STX12: variants seen among roughly 807,000 people sequenced by gnomAD.
STX12 encodes the protein syntaxin-12.
In STX12, 17 loss-of-function variants were observed where a neutral mutation model predicts 42.2. That is an observed-to-expected ratio of 0.40 (90% CI 0.28 to 0.60). The LOEUF is 0.60. STX12 is among the 20% of genes least tolerant of loss of function. STX12 has a pLI of 0.39. For synonymous variants in STX12, 108 were observed against 116.7 expected, an observed-to-expected ratio of 0.93 and a Z score of 0.48; for missense variants, 297 against 330.9, an observed-to-expected ratio of 0.90 and a Z score of 0.79.
chr1:27,808,007 A>G (rs7537264), intron 4 of STX12, among the ~76,000 whole-genome samples: 3 of 152,210 alleles, frequency 2.0e-5, no homozygotes, highest in African/African-American at 7.2e-5. Flanking sequence ...ATAGCTCACT[A>G]TTCTTAAAAT....
intron 5 of STX12, among the ~76,000 whole-genome samples, chr1:27,810,582 T>C (rs1399976766): frequency 6.6e-6 from 1 of 152,182 alleles, no homozygotes; most frequent in African/African-American, 2.4e-5. Context: ...CCTACATGTC[T>C]ACAGATTAGG....
chr1:27,791,572 C>A (rs1258131819), intron 2 of STX12, among the ~76,000 whole-genome samples: 2 of 152,086 alleles, frequency 1.3e-5, no homozygotes, highest in African/African-American at 4.8e-5. Context: ...TCCCAGCACT[C>A]TGGGAGGCCG....
chr1:27,807,721 G>C (rs1362413355), intron 4 of STX12, among the ~76,000 whole-genome samples: 2 of 152,190 alleles, frequency 1.3e-5, no homozygotes, highest in Non-Finnish European at 2.9e-5. Context: ...GTTATACCAG[G>C]ATGTATGTAC....
rs149847848 is a variant in STX12 at position 27,792,328 on chromosome 1, A to C, written c.189-1205A>C. Among the ~76,000 whole-genome samples the C allele has an allele frequency of 9.8e-4, 118 of 120,588 alleles. 17 individuals carry two copies. The highest frequency in any genetic ancestry group is 5.8e-3 in the African/African-American group (106 of 18,282). 79.1% of individuals were successfully genotyped at this position (120,588 alleles called of 152,430 possible). Reference sequence around the variant, plus strand: ...TCTATATATATGTAGATACATATATATGTATCTATATATATGTAGATACAT... The same window carrying C: ...TCTATATATATGTAGATACATATATCTGTATCTATATATATGTAGATACAT... On this transcript the variant is annotated intron_variant, in intron 2 of 8. Coordinates refer to ENST00000373943, the MANE Select transcript of STX12 (RefSeq NM_177424.3).
intron 2 of STX12, among the ~76,000 whole-genome samples, chr1:27,790,768 C>CTAG (rs2088734909): frequency 1.4e-5 from 2 of 145,362 alleles, no homozygotes; most frequent in African/African-American, 5.1e-5. Context: ...ATGATGAAAC[C>CTAG]CTGTCTCTAC....
At chr1:27,785,047 T>C (rs1481145960) in intron 1 of STX12, among the ~76,000 whole-genome samples, 1 of 152,226 alleles carries the variant, frequency 6.6e-6, no homozygotes, top group African/African-American at 2.4e-5. Context: ...TCATATTCTA[T>C]AAAATTCCCA....
At chr1:27,800,912 C>T (rs985728700) in intron 3 of STX12, among the ~76,000 whole-genome samples, 5 of 152,186 alleles carry the variant, frequency 3.3e-5, no homozygotes, top group East Asian at 1.9e-4. Context: ...AGATTTTAAA[C>T]CACTAAAAGC....
At position 27,796,974 on chromosome 1, in the gene STX12, G is replaced by A. The variant is rs144284784; in HGVS notation, c.288+3342G>A. On this transcript the variant is annotated intron_variant, in intron 3 of 8. Coordinates refer to ENST00000373943, the MANE Select transcript of STX12 (RefSeq NM_177424.3). The stretch of plus-strand genomic sequence containing the variant: ...CCAGCCTTGGCCTCCCAAAGTGCTG[G>A]GATTACAGGCATGAGCCACCGCACC... Among the ~76,000 whole-genome samples, 925 of 152,176 alleles carry A rather than the reference G, an allele frequency of 6.1e-3. 12 individuals carry two copies. Among genetic ancestry groups the A allele is most frequent in the African/African-American group, 0.021 (876 of 41,522 alleles).
intron 6 of STX12, among the ~76,000 whole-genome samples, chr1:27,813,861 G>C (rs937093325): frequency 6.6e-6 from 1 of 152,160 alleles, no homozygotes; most frequent in African/African-American, 2.4e-5. Flanking sequence ...CCAGGGTTGA[G>C]ACCCACTGCC....
intron 1 of STX12, among the ~76,000 whole-genome samples, chr1:27,776,346 CA>C (rs2088627893): frequency 6.6e-6 from 1 of 152,136 alleles, no homozygotes; most frequent in Non-Finnish European, 1.5e-5. Context: ...GCCCTGCTAA[CA>C]AATGACAATA....
At chr1:27,810,142 G>A in intron 4 of STX12, 104 bp from the exon 5 acceptor site, 1 of 993,536 alleles carries the variant, frequency 1.0e-6, no homozygotes, top group Non-Finnish European at 1.6e-6. Flanking sequence ...TTCTGTGGGT[G>A]TCAAAGGATG....
At chr1:27,802,474 A>T (rs538839476) in intron 4 of STX12, among the ~76,000 whole-genome samples, 54 of 152,358 alleles carry the variant, frequency 3.5e-4, no homozygotes, top group African/African-American at 1.3e-3. Flanking sequence ...TTACAGAAAG[A>T]TTGCATTAGC....
chr1:27,796,422 G>A (rs894580775), intron 3 of STX12, among the ~76,000 whole-genome samples: 11 of 151,946 alleles, frequency 7.2e-5, no homozygotes, highest in Admixed American at 2.6e-4. Flanking sequence ...TCAGTTATCC[G>A]GGCTGAGGCG....
At chr1:27,789,067 A>C (rs2088720249) in intron 1 of STX12, among the ~76,000 whole-genome samples, 1 of 152,176 alleles carries the variant, frequency 6.6e-6, no homozygotes, top group Non-Finnish European at 1.5e-5. Context: ...CTGTTGTGAA[A>C]ATTAATAACA....
chr1:27,784,357 A>G (rs2088687157), intron 1 of STX12, among the ~76,000 whole-genome samples: 1 of 152,026 alleles, frequency 6.6e-6, no homozygotes, highest in Non-Finnish European at 1.5e-5. Context: ...AGTAGCCAGG[A>G]CTACAAGCAT....
chr1:27,810,313 T>C (rs1571530507), intron 5 of STX12, 24 bp downstream of exon 5: 1 of 1,600,880 alleles, frequency 6.2e-7, no homozygotes, highest in Non-Finnish European at 8.6e-7. Context: ...TCATACAACC[T>C]GCTGGATAGT....
At chr1:27,804,051 A>G (rs1206173034) in intron 4 of STX12, among the ~76,000 whole-genome samples, 1 of 152,180 alleles carries the variant, frequency 6.6e-6, no homozygotes, top group African/African-American at 2.4e-5. Flanking sequence ...ATGAATCAAT[A>G]TGAAAAAGAA....
intron 2 of STX12, among the ~76,000 whole-genome samples, chr1:27,792,243 T>G (rs1172425321): frequency 7.7e-6 from 1 of 129,096 alleles, no homozygotes; most frequent in African/African-American, 3.3e-5. Flanking sequence ...TATATATGTA[T>G]CTATATATAT....
intron 6 of STX12, among the ~76,000 whole-genome samples, chr1:27,815,281 T>C (rs2088933648): frequency 6.6e-6 from 1 of 152,140 alleles, no homozygotes; most frequent in East Asian, 1.9e-4. Context: ...AGAAATGTAA[T>C]GGATGCCAGG....
Sources: allele counts gnomAD v4.1 joint callset (sites outside exome capture counted in the v4.1 genomes callset), GRCh38; gene constraint gnomAD v4.1.1; transcripts MANE v1.5; gene names NCBI Gene and HGNC (gene_info 2026-07-23, HGNC 2026-07-21).